Variants in ALPK2 observed in about 807,000 individuals in gnomAD.
ALPK2 encodes alpha-protein kinase 2.
ALPK2 carries 127 observed loss-of-function variants against 163.1 expected under a neutral mutation model. The ratio of observed to expected loss-of-function variants is 0.78; its 90% CI spans 0.67 to 0.90. The LOEUF is 0.90. ALPK2 is among the 40% of genes least tolerant of loss of function. The pLI, the probability that ALPK2 is intolerant of heterozygous loss-of-function variation, is 0.00. For missense variants in ALPK2, 2,360 were observed against 2,589.6 expected, an observed-to-expected ratio of 0.91 and a Z score of 1.92; for synonymous variants, 953 against 959.1, an observed-to-expected ratio of 0.99 and a Z score of 0.12.
chr18:58,553,135 G>T (rs2051768471), intron 4 of ALPK2, among the ~76,000 whole-genome samples: 1 of 152,148 alleles, frequency 6.6e-6, no homozygotes, highest in Non-Finnish European at 1.5e-5. Context: ...GTATGGGATG[G>T]CTTCTCTCTC....
chr18:58,609,906 C>T (rs887370238), intron 2 of ALPK2, among the ~76,000 whole-genome samples: 4 of 152,152 alleles, frequency 2.6e-5, no homozygotes, highest in South Asian at 2.1e-4. Context: ...GTCTGAATGA[C>T]GATGGACCAT....
At chr18:58,553,850 G>GTTTTTTT (rs71173061) in intron 4 of ALPK2, among the ~76,000 whole-genome samples, 7 of 73,994 alleles carry the variant, frequency 9.5e-5, no homozygotes, top group Non-Finnish European at 1.4e-4. Context: ...TTTTTTTTTG[G>GTTTTTTT]TTTTTTTTTT....
In ALPK2 at chr18:58,536,097, C is replaced by T. The variant is rs1439189899; in HGVS notation, c.4090G>A (p.Gly1364Arg). Residue 1364 changes from glycine to arginine, a missense_variant, in exon 5 of 13, where the codon GGA becomes AGA. By Grantham distance (125) the Gly-to-Arg change is moderately radical. Transcript: ENST00000361673. ...ACATTGTTAACATTTTCCTTCCCTC[C>T]AGTTTCAGAAGCCGCTGACAGTGAA... The part of the protein sequence containing the change: ...TDSLSAASET[G>R]GKENVNNVSQ... 4 of 1,614,156 alleles carry T rather than the reference C, an allele frequency of 2.5e-6. No homozygotes were observed. In the South Asian group the frequency reaches 4.4e-5, roughly 18 times the overall value.
intron 1 of ALPK2, among the ~76,000 whole-genome samples, chr18:58,619,370 G>A (rs1012571943): frequency 6.6e-6 from 1 of 152,118 alleles, no homozygotes; most frequent in African/African-American, 2.4e-5. Flanking sequence ...TGGCAGAGCT[G>A]AAACATGAGT....
At chr18:58,534,455 T>C (rs2051632095) in intron 5 of ALPK2, among the ~76,000 whole-genome samples, 1 of 152,262 alleles carries the variant, frequency 6.6e-6, no homozygotes, top group Non-Finnish European at 1.5e-5. Context: ...TGATTAATGC[T>C]TCTGTTTATA....
chr18:58,564,409 A>T (rs918652479), intron 4 of ALPK2, among the ~76,000 whole-genome samples: 4 of 151,918 alleles, frequency 2.6e-5, no homozygotes, highest in African/African-American at 9.7e-5. Context: ...GGCATGACCC[A>T]CCACACCTGG....
In ALPK2 at chr18:58,558,674, C is replaced by CA. The variant is rs530115520; in HGVS notation, c.1962+20139dup. Among the ~76,000 whole-genome samples the CA allele has an allele frequency of 1.1e-4, 17 of 152,316 alleles. No homozygotes were observed. The East Asian group carries it at 3.1e-3, about 28-fold the overall frequency. ...TAATGGCCACACAGTGGAAACCACC[C>CA]AAATGTCCATTAACTGATACATGAC... On this transcript the variant is annotated intron_variant, in intron 4 of 12. Coordinates refer to ENST00000361673, the MANE Select transcript of ALPK2 (RefSeq NM_052947.4).
intron 3 of ALPK2, among the ~76,000 whole-genome samples, chr18:58,604,941 A>C (rs1021811749): frequency 6.6e-6 from 1 of 152,188 alleles, no homozygotes; most frequent in Non-Finnish European, 1.5e-5. Context: ...CCATTCATTT[A>C]TACCCTCATC....
intron 12 of ALPK2, among the ~76,000 whole-genome samples, chr18:58,487,445 C>T (rs569678346): frequency 5.9e-5 from 9 of 152,150 alleles, no homozygotes; most frequent in Non-Finnish European, 1.3e-4. Context: ...CTTCCAGCCC[C>T]CAGAACTGTG....
intron 12 of ALPK2, among the ~76,000 whole-genome samples, chr18:58,497,274 C>CT (rs1333262413): frequency 6.6e-6 from 1 of 152,224 alleles, no homozygotes; most frequent in Non-Finnish European, 1.5e-5. Context: ...CATGAGCTCT[C>CT]TTTTCCTCCC....
chr18:58,546,155 C>T (rs1432489572), intron 4 of ALPK2, among the ~76,000 whole-genome samples: 1 of 152,160 alleles, frequency 6.6e-6, no homozygotes, highest in African/African-American at 2.4e-5. Flanking sequence ...CTGTAACTTC[C>T]TTGATATTCA....
intron 4 of ALPK2, among the ~76,000 whole-genome samples, chr18:58,558,546 G>A (rs1429017153): frequency 6.6e-6 from 1 of 152,178 alleles, no homozygotes; most frequent in Non-Finnish European, 1.5e-5. Flanking sequence ...GTTACACATC[G>A]AGTTACCCAG....
At chr18:58,494,652 C>T (rs1334033097) in intron 12 of ALPK2, among the ~76,000 whole-genome samples, 1 of 152,132 alleles carries the variant, frequency 6.6e-6, no homozygotes, top group Non-Finnish European at 1.5e-5. Context: ...TACCAGCCCC[C>T]CCATAGAACT....
At chr18:58,547,600 A>C (rs189840996) in intron 4 of ALPK2, among the ~76,000 whole-genome samples, 1 of 152,352 alleles carries the variant, frequency 6.6e-6, no homozygotes, top group Admixed American at 6.5e-5. Flanking sequence ...ACAGAATGCA[A>C]CACCAGTGGC....
intron 12 of ALPK2, among the ~76,000 whole-genome samples, chr18:58,492,310 C>G (rs1286978580): frequency 2.0e-5 from 3 of 152,064 alleles, no homozygotes; most frequent in Non-Finnish European, 4.4e-5. Flanking sequence ...GCACACATTC[C>G]CCACACCTCC....
chr18:58,565,944 G>A (rs186774112), intron 4 of ALPK2, among the ~76,000 whole-genome samples: 43 of 152,042 alleles, frequency 2.8e-4, no homozygotes, highest in Non-Finnish European at 5.1e-4. Flanking sequence ...ACCACGCCCC[G>A]GCTAATTTTT....
At chr18:58,486,115 G>A (rs781377824) in intron 12 of ALPK2, among the ~76,000 whole-genome samples, 14 of 152,192 alleles carry the variant, frequency 9.2e-5, no homozygotes, top group Admixed American at 2.6e-4. Context: ...TCAAAGGAGC[G>A]TGACTTCTGG....
chr18:58,527,112 G>T (rs554717445), intron 6 of ALPK2, among the ~76,000 whole-genome samples: 1 of 151,280 alleles, frequency 6.6e-6, no homozygotes, highest in Admixed American at 6.6e-5. Flanking sequence ...CATTGTACAG[G>T]TTCCCTCATG....
chr18:58,607,188 G>C (rs1323543861), intron 3 of ALPK2, 134 bp downstream of exon 3: 1 of 561,220 alleles, frequency 1.8e-6, no homozygotes, highest in Non-Finnish European at 3.1e-6. Context: ...TTTGGCAGAT[G>C]CCTGCCAATG....
Sources: allele counts gnomAD v4.1 joint callset (sites outside exome capture counted in the v4.1 genomes callset), GRCh38; gene constraint gnomAD v4.1.1; transcripts MANE v1.5; gene names NCBI Gene and HGNC (gene_info 2026-07-23, HGNC 2026-07-21).